The following BANF2 variants were observed in gnomAD, a reference collection of about 807,000 sequenced individuals.
BANF2 encodes BANF family member 2, also known as barrier-to-autointegration factor-like protein.
In BANF2, 4 loss-of-function variants were observed where a neutral mutation model predicts 8.0. That is an observed-to-expected ratio of 0.50 (90% CI 0.25 to 1.14). The LOEUF is 1.14. Ranked by LOEUF, BANF2 falls within the 50% of genes most tolerant of loss-of-function variation. The probability of loss-of-function intolerance (pLI) is 0.16; values close to 1 mark genes in which losing one functional copy is unlikely to be tolerated. For synonymous variants in BANF2, 50 were observed against 40.6 expected (o/e 1.23, Z -0.88); for missense variants, 96 against 107.5 (o/e 0.89, Z 0.47).
intron 2 of BANF2, 65 bp downstream of exon 2, chr20:17,722,943 G>A (rs545662955): frequency 2.2e-6 from 2 of 902,788 alleles, no homozygotes; most frequent in Non-Finnish European, 2.6e-6. Context: ...GGATGCACCT[G>A]ATCATTTACG....
rs959046488 is a variant in BANF2, at chr20:17,728,954, C to T, written c.126+3803C>T. 9.2e-5 allele frequency among the ~76,000 whole-genome samples: 14 copies of T among 152,236 alleles called. No homozygotes were observed. In the East Asian group the frequency reaches 9.6e-4, roughly 10 times the overall value. On this transcript the variant is annotated intron_variant, in intron 3 of 3. Transcript: ENST00000246090. ...ATCTGTAATTATTTTATTGATTACA[C>T]GTTGAAATGATAATATTTTGGAAAT...
At chr20:17,719,567 G>C (rs2037700919) in intron 1 of BANF2, among the ~76,000 whole-genome samples, 1 of 152,080 alleles carries the variant, frequency 6.6e-6, no homozygotes, top group Non-Finnish European at 1.5e-5. Context: ...TCATGTGTTG[G>C]GGGGCTCTAG....
chr20:17,700,611 G>A (rs377540417), intron 1 of BANF2, among the ~76,000 whole-genome samples: 1 of 152,214 alleles, frequency 6.6e-6, no homozygotes, highest in Non-Finnish European at 1.5e-5. Flanking sequence ...TTTTGGGACA[G>A]TAAGAGAGCT....
In BANF2 at chr20:17,714,350, G is replaced by A. The variant is rs367641118; in HGVS notation, c.-166-8366G>A. On this transcript the variant is annotated intron_variant, in intron 1 of 3. Transcript: ENST00000246090. ...GACTTATTCTATTTCATCAGCTCCTGATCCTTTGCAGATAACAGGACCCCA... is the reference window on the plus strand; with the variant it reads ...GACTTATTCTATTTCATCAGCTCCTAATCCTTTGCAGATAACAGGACCCCA... Among the ~76,000 whole-genome samples the A allele has an allele frequency of 3.2e-4, 49 of 152,212 alleles. 2 individuals are homozygous for A. In the East Asian group the frequency reaches 5.8e-3, roughly 18 times the overall value.
At chr20:17,709,163 T>A (rs2037530481) in intron 1 of BANF2, among the ~76,000 whole-genome samples, 1 of 152,218 alleles carries the variant, frequency 6.6e-6, no homozygotes, top group Non-Finnish European at 1.5e-5. Context: ...GATTTTCTTT[T>A]GAAAGGGTCT....
intron 3 of BANF2, among the ~76,000 whole-genome samples, chr20:17,728,178 C>A (rs1320670469): frequency 1.3e-5 from 2 of 152,182 alleles, no homozygotes; most frequent in East Asian, 1.9e-4. Flanking sequence ...CAGGCTGGGG[C>A]TCAGCCTCAG....
At chr20:17,716,854 A>AG (rs2037661311) in intron 1 of BANF2, among the ~76,000 whole-genome samples, 1 of 151,022 alleles carries the variant, frequency 6.6e-6, no homozygotes. Flanking sequence ...AAAAAAAAAA[A>AG]AAAAAAAGAA....
In BANF2 at chr20:17,716,858, A is replaced by AAG. The variant is rs2037661726; in HGVS notation, c.-166-5857_-166-5856insGA. Among the ~76,000 whole-genome samples, 40 of 149,888 alleles carry AAG rather than the reference A, an allele frequency of 2.7e-4. 1 individual carries two copies. The South Asian group carries it at 7.7e-3, about 29-fold the overall frequency. On this transcript the variant is annotated intron_variant, in intron 1 of 3. Transcript: ENST00000246090. ...CTCCATCTCAAAAAAAAAAAAAAAAAAAAGAAAGAAAGGAAGAAAGAAAAA... is the reference window on the plus strand; with the variant it reads ...CTCCATCTCAAAAAAAAAAAAAAAAAAGAAAGAAAGAAAGGAAGAAAGAAAAA...
Position 17,729,272 on chromosome 20 carries a change from A to G in BANF2, c.126+4121A>G, listed in dbSNP as rs543342921. 1.6e-3 allele frequency among the ~76,000 whole-genome samples: 238 copies of G among 151,734 alleles called. 7 individuals carry two copies. Among genetic ancestry groups the G allele is most frequent in the Admixed American group, 2.0e-3 (31 of 15,242 alleles). On this transcript the variant is annotated intron_variant, in intron 3 of 3. Transcript: ENST00000246090. Reference sequence around the variant, plus strand: ...ACTACAGCCAGACTATCCTCGAACCACCCTCCTGCCAACTTGGAGCCTCTC... The same window carrying G: ...ACTACAGCCAGACTATCCTCGAACCGCCCTCCTGCCAACTTGGAGCCTCTC...
chr20:17,731,522 A>G (rs2037893351), intron 3 of BANF2: 1 of 152,108 alleles, frequency 6.6e-6, no homozygotes, highest in Non-Finnish European at 1.5e-5. Flanking sequence ...AGTACTGAGC[A>G]TTTTAATAAG....
intron 1 of BANF2, 147 bp from the exon 2 acceptor site, chr20:17,722,569 G>A (rs1016366740): frequency 7.6e-6 from 2 of 264,636 alleles, no homozygotes; most frequent in Non-Finnish European, 1.2e-5. Flanking sequence ...TTGTACTTAC[G>A]AAACATATTT....
At chr20:17,714,427 G>A (rs2037621892) in intron 1 of BANF2, among the ~76,000 whole-genome samples, 1 of 152,156 alleles carries the variant, frequency 6.6e-6, no homozygotes, top group Non-Finnish European at 1.5e-5. Flanking sequence ...AATAGTCCTG[G>A]CTAGAACCAC....
chr20:17,704,133 G>C (rs1000418175), intron 1 of BANF2, among the ~76,000 whole-genome samples: 1 of 152,244 alleles, frequency 6.6e-6, no homozygotes, highest in African/African-American at 2.4e-5. Context: ...GCCATAGGGC[G>C]AGAGCCCAGA....
chr20:17,693,736 CACGGTGGGGAAGAG>C lies in BANF2; in HGVS notation c.18+35_18+48del, dbSNP rs111518530. The stretch of plus-strand genomic sequence containing the variant: ...GGCAGATTGGTCTGACTTCCTTGCT[CACGGTGGGGAAGAG>C]ACGGCGGGGAAAGGAGGCAAGGACA... On this transcript the variant is annotated intron_variant, in intron 1 of 2. Transcript: ENST00000545418. The C allele has an allele frequency of 3.9e-6, 6 of 1,550,930 alleles. No individual in the cohort carries two copies. In the African/African-American group the frequency reaches 5.5e-5, roughly 14 times the overall value.
Position 17,694,599 on chromosome 20 carries a change from CTCTTTTTTTTT to C in BANF2, c.18+895_18+905del, listed in dbSNP as rs1413435672. On this transcript the variant is annotated intron_variant, in intron 1 of 2. Transcript: ENST00000545418. ...AGGGGGCTATTTTTGTTTTTTCTCT[CTCTTTTTTTTT>C]TTTTTTTTTTTTTTTTTTTTTTTAT... 6.8e-3 allele frequency among the ~76,000 whole-genome samples: 563 copies of C among 82,734 alleles called. 18 individuals carry two copies. The highest frequency in any genetic ancestry group is 0.026 in the African/African-American group (526 of 20,320). 54.3% of individuals were successfully genotyped at this position (82,734 alleles called of 152,430 possible).
Position 17,735,694 on chromosome 20 carries a change from G to T in BANF2, c.156G>T (p.Leu52=), listed in dbSNP as rs1461305284. ...KAYILLGQFL[L]MHKNEAEFQR... is the part of the protein sequence containing the mutation. Reference sequence around the variant, plus strand: ...ACATCCTGCTGGGACAATTCCTTCTGATGCACAAGAATGAAGCCGAGTTTC... The same window carrying T: ...ACATCCTGCTGGGACAATTCCTTCTTATGCACAAGAATGAAGCCGAGTTTC... Residue 52 remains leucine, a synonymous_variant, in exon 4 of 4, where the codon CTG becomes CTT. Transcript: ENST00000246090. 3 of 1,613,832 alleles carry T rather than the reference G, an allele frequency of 1.9e-6. No individual in the cohort carries two copies. The African/African-American group carries it at 4.0e-5, about 22-fold the overall frequency.
In BANF2 at chr20:17,722,880, T is replaced by G; in HGVS notation, c.-4+2T>G. 1 of 984,856 alleles carries G rather than the reference T, an allele frequency of 1.0e-6. No individual in the cohort carries two copies. The highest frequency in any genetic ancestry group is 1.2e-6 in the Non-Finnish European group (1 of 829,490). 61.0% of individuals were successfully genotyped at this position (984,856 alleles called of 1,614,324 possible). ...CGAGGAGCTCGACTCTGTAGAAAGG[T>G]CTGGAGGAGGATGGGGACAGGAGAG... is the stretch of plus-strand genomic sequence containing the variant. On this transcript the variant is annotated splice_donor_variant, in intron 2 of 3. Coordinates refer to ENST00000246090, the MANE Select transcript of BANF2 (RefSeq NM_178477.5). LOFTEE classifies it low-confidence loss of function (5UTR_SPLICE).
chr20:17,701,247 C>T (rs556700346), intron 1 of BANF2, among the ~76,000 whole-genome samples: 26 of 152,174 alleles, frequency 1.7e-4, no homozygotes, highest in Non-Finnish European at 3.4e-4. Flanking sequence ...CTGTGGTCCC[C>T]GTCCTGCAGC....
intron 1 of BANF2, among the ~76,000 whole-genome samples, chr20:17,722,423 T>C (rs1457274288): frequency 1.3e-5 from 2 of 152,230 alleles, no homozygotes; most frequent in African/African-American, 4.8e-5. Flanking sequence ...CTCATGAGAC[T>C]TTCAGGCTTT....
Sources: allele counts gnomAD v4.1 joint callset (sites outside exome capture counted in the v4.1 genomes callset), GRCh38; gene constraint gnomAD v4.1.1; transcripts MANE v1.5; gene names NCBI Gene and HGNC (gene_info 2026-07-23, HGNC 2026-07-21).